Variants in DNAAF9 observed in about 807,000 individuals in gnomAD.
The protein encoded by DNAAF9 is dynein axonemal assembly factor 9.
In DNAAF9, 90 loss-of-function variants were observed where a neutral mutation model predicts 167.0. The observed-to-expected ratio is 0.54, with a 90% CI of 0.45 to 0.64. DNAAF9 has a LOEUF of 0.64. Ranked by LOEUF, DNAAF9 falls within the 30% of genes least tolerant of loss-of-function variation. The probability of loss-of-function intolerance (pLI) is 0.00; values close to 1 mark genes in which losing one functional copy is unlikely to be tolerated. For missense variants in DNAAF9, 1,315 were observed against 1,442.2 expected (o/e 0.91, Z 1.43); for synonymous variants, 491 against 508.8 (o/e 0.96, Z 0.47).
chr20:3,342,621 C>T (rs1191315314), intron 9 of DNAAF9, among the ~76,000 whole-genome samples: 1 of 152,144 alleles, frequency 6.6e-6, no homozygotes, highest in East Asian at 1.9e-4. Context: ...CCTTAAGCTA[C>T]AGGCAAACAA....
intron 28 of DNAAF9, among the ~76,000 whole-genome samples, chr20:3,279,585 A>T (rs2236093): frequency 0.24 from 36,119 of 152,174 alleles, 4,870 homozygotes; most frequent in East Asian, 0.37. Flanking sequence ...GCCTGTCTCA[A>T]GGAAGAAAGC....
At chr20:3,371,343 T>TGG (rs2083505491) in intron 6 of DNAAF9, among the ~76,000 whole-genome samples, 1 of 131,706 alleles carries the variant, frequency 7.6e-6, no homozygotes. Context: ...CTTTTTTTTT[T>TGG]TTTTTTTTTT....
intron 29 of DNAAF9, among the ~76,000 whole-genome samples, chr20:3,278,337 C>T (rs1365080501): frequency 6.6e-6 from 1 of 152,150 alleles, no homozygotes; most frequent in African/African-American, 2.4e-5. Context: ...GCTAGGAATA[C>T]CTACTCAGTC....
At chr20:3,383,270 AC>A (rs993961957) in intron 1 of DNAAF9, among the ~76,000 whole-genome samples, 1 of 94,598 alleles carries the variant, frequency 1.1e-5, no homozygotes, top group Non-Finnish European at 2.1e-5. Flanking sequence ...ATTCCCTAAC[AC>A]TTTTTTTTTT....
intron 31 of DNAAF9, among the ~76,000 whole-genome samples, chr20:3,260,823 G>C (rs2068372590): frequency 6.6e-6 from 1 of 152,214 alleles, no homozygotes; most frequent in South Asian, 2.1e-4. Context: ...GTAGAGACGA[G>C]GTTTTGCCAT....
intron 10 of DNAAF9, among the ~76,000 whole-genome samples, chr20:3,333,386 G>C (rs1388084944): frequency 6.6e-6 from 1 of 152,128 alleles, no homozygotes; most frequent in Non-Finnish European, 1.5e-5. Context: ...ACATTAGTAA[G>C]TACAATATAC....
rs2068273902 is a variant in DNAAF9 at position 3,256,013 on chromosome 20, G to C, written c.3254C>G (p.Ala1085Gly). 1 of 1,611,704 alleles carries C rather than the reference G, an allele frequency of 6.2e-7. No homozygotes were observed. The highest frequency in any genetic ancestry group is 1.7e-5 in the Admixed American group (1 of 59,994). ...CTGGGCTCTGGAAACCACCTGCTTA[G>C]CTGACTGCCGCAGCCAGTCCTTGAT... is the stretch of plus-strand genomic sequence containing the variant. ...DSIKDWLRQS[A>G]KQKPQRKALK... The change falls in exon 34 of 37, where the codon GCT (alanine) becomes GGT (glycine). Residue 1085 changes from alanine to glycine, a missense_variant. Ala to Gly is a moderately conservative substitution (Grantham distance 60). Transcript: ENST00000252032.
chr20:3,283,849 T>C (rs996258069), intron 27 of DNAAF9, among the ~76,000 whole-genome samples: 1 of 152,222 alleles, frequency 6.6e-6, no homozygotes, highest in African/African-American at 2.4e-5. Flanking sequence ...CAAGTCATGC[T>C]TGAGGAGTCA....
At position 3,363,139 on chromosome 20, in the gene DNAAF9, G is replaced by C. The variant is rs189559356; in HGVS notation, c.613-3546C>G. Among the ~76,000 whole-genome samples, 107 of 148,708 alleles carry C rather than the reference G, an allele frequency of 7.2e-4. 2 individuals are homozygous for C. The East Asian group carries it at 0.015, about 21-fold the overall frequency. The stretch of plus-strand genomic sequence containing the variant: ...AGCTACTCGGGAGGCTGAGGCAGGA[G>C]AATCACTTGGACCCAGGAGGCGGAG... On this transcript the variant is annotated intron_variant, in intron 6 of 36. Transcript: ENST00000252032.
At position 3,309,971 on chromosome 20, in the gene DNAAF9, T is replaced by C. The variant is rs1037242334; in HGVS notation, c.1678+5062A>G. Among the ~76,000 whole-genome samples, 40 of 152,078 alleles carry C rather than the reference T, an allele frequency of 2.6e-4. 2 individuals carry two copies. The highest frequency in any genetic ancestry group is 5.9e-5 in the Non-Finnish European group (4 of 68,028). ...ACTTTGGGAGGCTGTGGCAGGCAGA[T>C]CACCTGAAGTCGGGAGATTGAGACC... On this transcript the variant is annotated intron_variant, in intron 20 of 36. Coordinates refer to ENST00000252032, the MANE Select transcript of DNAAF9 (RefSeq NM_001009984.3).
At chr20:3,377,376 C>T (rs77923004) in intron 3 of DNAAF9, among the ~76,000 whole-genome samples, 6,640 of 152,146 alleles carry the variant, frequency 0.044, 208 homozygotes, top group African/African-American at 0.089. Flanking sequence ...GGATAAAATA[C>T]TTAGATTTCT....
intron 35 of DNAAF9, 31 bp downstream of exon 35, chr20:3,255,188 C>G (rs759951574): frequency 1.7e-5 from 25 of 1,449,274 alleles, no homozygotes; most frequent in Non-Finnish European, 1.4e-5. Context: ...CCCTGGGCCA[C>G]CGAGGGGAGA....
chr20:3,376,159 T>C lies in DNAAF9; in HGVS notation c.408+19A>G, dbSNP rs765592372. ...TTCTTAGAGTGTCTCTAGGTGCCTG[T>C]CTTCTCTTTTCTTCTTACCTCATTT... On this transcript the variant is annotated intron_variant, in intron 4 of 36. Coordinates refer to ENST00000252032, the MANE Select transcript of DNAAF9 (RefSeq NM_001009984.3). 1.9e-6 allele frequency: 3 copies of C among 1,609,104 alleles called. No individual in the cohort carries two copies. The South Asian group carries it at 3.3e-5, about 18-fold the overall frequency.
At chr20:3,309,971 T>A (rs1037242334) in intron 20 of DNAAF9, among the ~76,000 whole-genome samples, 1 of 152,078 alleles carries the variant, frequency 6.6e-6, no homozygotes, top group South Asian at 2.1e-4. Flanking sequence ...GGCAGGCAGA[T>A]CACCTGAAGT....
intron 20 of DNAAF9, among the ~76,000 whole-genome samples, chr20:3,313,648 T>C (rs77016659): frequency 0.028 from 4,212 of 152,250 alleles, 89 homozygotes; most frequent in Non-Finnish European, 0.044. Context: ...ACAAGGTTTT[T>C]GAGGATTTCA....
At chr20:3,306,868 A>C (rs1019975319) in intron 20 of DNAAF9, 12 of 981,764 alleles carry the variant, frequency 1.2e-5, no homozygotes, top group Non-Finnish European at 1.5e-5. Flanking sequence ...TCCTGCCACA[A>C]GATGACTCTA....
chr20:3,297,918 A>C (rs1471041440), intron 22 of DNAAF9, 111 bp downstream of exon 22: 1 of 844,534 alleles, frequency 1.2e-6, no homozygotes, highest in East Asian at 2.4e-5. Context: ...CAGCCCTCCT[A>C]ACTCTCCCTC....
At chr20:3,301,219 C>A (rs2069182913) in intron 21 of DNAAF9, among the ~76,000 whole-genome samples, 1 of 149,348 alleles carries the variant, frequency 6.7e-6, no homozygotes, top group Admixed American at 6.7e-5. Flanking sequence ...TGGAGTTTCA[C>A]CCTTGGTACC....
Position 3,315,119 on chromosome 20 carries a change from C to A in DNAAF9, c.1592G>T (p.Gly531Val). 6.3e-7 allele frequency: 1 copy of A among 1,591,046 alleles called. No homozygotes were observed. Among genetic ancestry groups the A allele is most frequent in the Non-Finnish European group, 8.6e-7 (1 of 1,159,826 alleles). The change falls in exon 20 of 37, where the codon GGG becomes GTG. Residue 531 changes from glycine (G) to valine (V), a missense_variant and splice_region_variant. Gly to Val is a moderately radical substitution (Grantham distance 109). This residue lies in a region of DNAAF9 where 981 missense variants were observed against 1,012.5 expected (regional missense o/e 0.97). Transcript: ENST00000252032. The surrounding 1 kb of genome is among the most constrained non-coding windows in gnomAD (Gnocchi z 4.1). ...LSEKTQQAVRGDESFLGTYLT... is the reference protein window; with the variant it reads ...LSEKTQQAVRVDESFLGTYLT... ...ATAAGTGCCCAGGAAAGACTCATCC[C>A]CCTTTAAAAACAACAACAAAAACAA...
Sources: gnomAD v4.1 joint callset for allele counts (sites outside exome capture counted in the v4.1 genomes callset) on GRCh38, gnomAD v4.1.1 for gene constraint, gnomAD v4.1.1 regional missense constraint, Gnocchi (gnomAD v3.1) non-coding constraint, MANE v1.5 for transcripts, NCBI Gene and HGNC (gene_info 2026-07-23, HGNC 2026-07-21) for gene names.